TAF1A: variants seen among roughly 807,000 people sequenced by gnomAD.
TAF1A encodes the protein TATA box-binding protein-associated factor RNA polymerase I subunit A.
TAF1A carries 42 observed loss-of-function variants against 61.6 expected under a neutral mutation model. The observed-to-expected ratio is 0.68, with a 90% CI of 0.53 to 0.88. The LOEUF is 0.88. TAF1A is among the 40% of genes least tolerant of loss of function. The pLI, the probability that TAF1A is intolerant of heterozygous loss-of-function variation, is 0.00. For missense variants in TAF1A, 424 were observed against 518.7 expected (o/e 0.82, Z 1.77); for synonymous variants, 179 against 177.7 (o/e 1.01, Z -0.06).
At position 222,588,752 on chromosome 1, in the gene TAF1A, C is replaced by T. The variant is rs188908271; in HGVS notation, c.-2-187G>A. On this transcript the variant is annotated intron_variant, in intron 1 of 10. Transcript: ENST00000352967. ...GTCAGCAACAGCCAAAATGAATGAT[C>T]CATTAAAGACCGAACCACTAATGTT... Among the ~76,000 whole-genome samples the T allele has an allele frequency of 2.0e-3, 304 of 152,200 alleles. 1 individual carries two copies. Among genetic ancestry groups the T allele is most frequent in the Non-Finnish European group, 2.8e-3 (193 of 68,004 alleles).
chr1:222,563,062 A>G, intron 9 of TAF1A, 111 bp downstream of exon 9: 1 of 1,066,354 alleles, frequency 9.4e-7, no homozygotes, highest in Non-Finnish European at 1.3e-6. Flanking sequence ...CTGAAGACAC[A>G]ATTCAAGAAA....
intron 3 of TAF1A, 36 bp downstream of exon 3, chr1:222,584,092 C>A (rs1489050036): frequency 6.3e-7 from 1 of 1,595,908 alleles, no homozygotes; most frequent in Non-Finnish European, 8.5e-7. Context: ...TTCTGGGAAT[C>A]TATCATTTCT....
chr1:222,584,117 AT>A lies in TAF1A; in HGVS notation c.291+10del. On this transcript the variant is annotated intron_variant, in intron 3 of 10. Transcript: ENST00000352967. ...CTATCATTTCTTCCAGCAAACTCAA[AT>A]TTTATTTACCTCAGGTGCAGCCTGC... The A allele has an allele frequency of 1.9e-6, 3 of 1,604,044 alleles. No homozygotes were observed. The highest frequency in any genetic ancestry group is 2.5e-6 in the Non-Finnish European group (3 of 1,177,624).
At chr1:222,565,650 A>AG (rs1177590073) in intron 7 of TAF1A, among the ~76,000 whole-genome samples, 2 of 151,982 alleles carry the variant, frequency 1.3e-5, no homozygotes, top group Non-Finnish European at 2.9e-5. Flanking sequence ...GCAACTTTAA[A>AG]GGTATTGTTT....
At chr1:222,554,178 G>A (rs1328288400), downstream of TAF1A, among the ~76,000 whole-genome samples, 1 of 152,212 alleles carries the variant, frequency 6.6e-6, no homozygotes. Context: ...TGTATTGACT[G>A]AAGATTCAGT....
intron 4 of TAF1A, 110 bp downstream of exon 4, chr1:222,579,649 G>T: frequency 1.5e-6 from 2 of 1,292,162 alleles, no homozygotes; most frequent in Non-Finnish European, 2.1e-6. Context: ...TATCCAGAAT[G>T]TCTTATCCTT....
chr1:222,564,298 T>C (rs539469345), intron 7 of TAF1A, among the ~76,000 whole-genome samples, 173 bp from the exon 8 acceptor site: 1 of 142,378 alleles, frequency 7.0e-6, no homozygotes, highest in Non-Finnish European at 1.5e-5. Flanking sequence ...TAGAAAAGCA[T>C]TCTCTGTAAA....
At chr1:222,557,060 T>C (rs1399058553), downstream of TAF1A, among the ~76,000 whole-genome samples, 1 of 151,968 alleles carries the variant, frequency 6.6e-6, no homozygotes, top group Non-Finnish European at 1.5e-5. Context: ...TATTGAAATA[T>C]AAACTATTGA....
intron 7 of TAF1A, among the ~76,000 whole-genome samples, chr1:222,566,094 A>G (rs549581109): frequency 9.2e-5 from 14 of 152,324 alleles, no homozygotes; most frequent in Non-Finnish European, 1.8e-4. Flanking sequence ...AAAACTGAAC[A>G]CAAAATATAC....
intron 7 of TAF1A, chr1:222,569,120 TG>T: frequency 2.2e-6 from 1 of 454,874 alleles, no homozygotes; most frequent in Non-Finnish European, 3.1e-6. Flanking sequence ...AAAGGCATTC[TG>T]GGGGCGACAG....
chr1:222,569,258 T>C, intron 7 of TAF1A: 1 of 1,377,914 alleles, frequency 7.3e-7, no homozygotes, highest in South Asian at 1.5e-5. Context: ...AAAATATCAG[T>C]GCAGAGTATT....
Position 222,569,713 on chromosome 1 carries a change from A to C in TAF1A, c.736-45T>G, listed in dbSNP as rs552386680. The C allele has an allele frequency of 4.5e-6, 7 of 1,540,154 alleles. No homozygotes were observed. The South Asian group carries it at 8.6e-5, about 19-fold the overall frequency. ...ATATCTTAGCTGAATTCTGTAAGAC[A>C]GCTATACGAAAAATAATACACAGCA... On this transcript the variant is annotated intron_variant, in intron 6 of 10. Transcript: ENST00000352967.
chr1:222,561,574 T>C, intron 9 of TAF1A, 56 bp from the exon 10 acceptor site: 1 of 1,496,466 alleles, frequency 6.7e-7, no homozygotes, highest in Non-Finnish European at 9.0e-7. Context: ...ATCTATATTA[T>C]CAGAATTTAG....
chr1:222,572,649 G>A (rs1437714840), intron 5 of TAF1A, among the ~76,000 whole-genome samples: 2 of 152,168 alleles, frequency 1.3e-5, no homozygotes, highest in African/African-American at 4.8e-5. Flanking sequence ...CATGGCCACT[G>A]CTCCCGGCTG....
downstream of TAF1A, chr1:222,557,888 T>TGTTTTTTTTG (rs200417084): frequency 2.0e-5 from 3 of 147,132 alleles, no homozygotes; most frequent in Non-Finnish European, 4.5e-5. Flanking sequence ...TTGTTTTTTT[T>TGTTTTTTTTG]TTTTTTTTTT....
At chr1:222,584,073 G>A in intron 3 of TAF1A, 55 bp downstream of exon 3, 3 of 1,570,002 alleles carry the variant, frequency 1.9e-6, no homozygotes, top group Non-Finnish European at 2.6e-6. Context: ...TGAAGCTGTA[G>A]GCATAAACTT....
chr1:222,577,352 G>T, intron 5 of TAF1A, 93 bp downstream of exon 5: 1 of 978,238 alleles, frequency 1.0e-6, no homozygotes, highest in Non-Finnish European at 1.5e-6. Context: ...ATAATATCTG[G>T]ATGAAGTCAA....
intron 2 of TAF1A, among the ~76,000 whole-genome samples, chr1:222,587,191 G>A (rs1360659707): frequency 1.3e-5 from 2 of 152,150 alleles, no homozygotes; most frequent in East Asian, 1.9e-4. Context: ...GGAGAGGAAA[G>A]GCACTATTAT....
chr1:222,570,411 T>C (rs1660302006), intron 6 of TAF1A, 124 bp downstream of exon 6: 1 of 1,024,176 alleles, frequency 9.8e-7, no homozygotes, highest in East Asian at 2.6e-5. Flanking sequence ...GACACCGTAT[T>C]TTTGCTTTCT....
Sources: gnomAD v4.1 joint callset for allele counts (sites outside exome capture counted in the v4.1 genomes callset) on GRCh38, gnomAD v4.1.1 for gene constraint, MANE v1.5 for transcripts, NCBI Gene and HGNC (gene_info 2026-07-23, HGNC 2026-07-21) for gene names.